The following MCF2L2 variants were observed in gnomAD, a reference collection of about 807,000 sequenced individuals.
MCF2L2 encodes the protein MCF.2 cell line derived transforming sequence-like 2, also known as probable guanine nucleotide exchange factor MCF2L2.
Under a neutral mutation model 150.2 loss-of-function variants are expected in MCF2L2, and 102 were observed. The observed-to-expected ratio is 0.68, with a 90% confidence interval of 0.58 to 0.80. The LOEUF is 0.80. Among genes scored for constraint, MCF2L2 ranks in the 30% least tolerant of loss-of-function variants. MCF2L2 has a pLI of 0.00. For synonymous variants in MCF2L2, 465 were observed against 491.3 expected, an observed-to-expected ratio of 0.95 and a Z score of 0.71; for missense variants, 1,256 against 1,372.8, an observed-to-expected ratio of 0.91 and a Z score of 1.34.
Position 183,180,057 on chromosome 3 carries a change from A to C in MCF2L2, c.3105+14T>G, listed in dbSNP as rs1299858496. On this transcript the variant is annotated intron_variant, in intron 28 of 29. Coordinates refer to ENST00000328913, the MANE Select transcript of MCF2L2 (RefSeq NM_015078.4). ...GAGGGAAGAAGATGAAAGAAACAAAAGGGAAGTAATTACACTCAGAGCACT... is the reference window on the plus strand; with the variant it reads ...GAGGGAAGAAGATGAAAGAAACAAACGGGAAGTAATTACACTCAGAGCACT... 5 of 1,601,812 alleles carry C rather than the reference A, an allele frequency of 3.1e-6. No individual in the cohort carries two copies. Among genetic ancestry groups the C allele is most frequent in the Admixed American group, 1.7e-5 (1 of 59,916 alleles).
In MCF2L2 at chr3:183,249,277, G is replaced by C. The variant is rs1207879745; in HGVS notation, c.1863-18260C>G. ...GTGTCTGATCTGCTGCTGGGAAAAG[G>C]AGAAGAAATGCTGAGACACTCACTG... is the stretch of plus-strand genomic sequence containing the variant. On this transcript the variant is annotated intron_variant, in intron 15 of 29. Transcript: ENST00000328913. 2.0e-5 allele frequency among the ~76,000 whole-genome samples: 3 copies of C among 152,194 alleles called. No homozygotes were observed. In the East Asian group the frequency reaches 5.8e-4, roughly 29 times the overall value.
At chr3:183,392,550 G>C (rs1230582155) in intron 1 of MCF2L2, among the ~76,000 whole-genome samples, 1 of 152,204 alleles carries the variant, frequency 6.6e-6, no homozygotes, top group African/African-American at 2.4e-5. Flanking sequence ...TTTGCTTTAA[G>C]TGCAGGTTTT....
intron 1 of MCF2L2, among the ~76,000 whole-genome samples, chr3:183,425,631 G>A (rs942677148): frequency 2.6e-5 from 4 of 152,170 alleles, no homozygotes; most frequent in African/African-American, 9.7e-5. Flanking sequence ...TAGGGGATAT[G>A]AAGAGCTACC....
intron 4 of MCF2L2, 48 bp downstream of exon 4, chr3:183,341,492 G>T: frequency 1.4e-6 from 2 of 1,415,536 alleles, no homozygotes; most frequent in Non-Finnish European, 2.0e-6. Context: ...TAGTTGAACA[G>T]ACAATTTAAA....
intron 3 of MCF2L2, among the ~76,000 whole-genome samples, chr3:183,368,743 G>A (rs771150597): frequency 2.0e-5 from 3 of 152,156 alleles, no homozygotes; most frequent in East Asian, 3.9e-4. Context: ...CAGCCTGGGC[G>A]ACAGAGCAAA....
At chr3:183,330,896 A>G (rs960532325) in intron 5 of MCF2L2, among the ~76,000 whole-genome samples, 5 of 152,088 alleles carry the variant, frequency 3.3e-5, no homozygotes, top group African/African-American at 1.2e-4. Context: ...GGTCAATTAC[A>G]TGAGCCACAT....
chr3:183,272,991 C>G (rs1484436918), intron 15 of MCF2L2: 1 of 1,478,244 alleles, frequency 6.8e-7, no homozygotes, highest in African/African-American at 1.5e-5. Context: ...TATGAAGGCA[C>G]TTCCTTTTTT....
At chr3:183,285,578 G>A (rs938684547) in intron 14 of MCF2L2, among the ~76,000 whole-genome samples, 1 of 152,204 alleles carries the variant, frequency 6.6e-6, no homozygotes, top group African/African-American at 2.4e-5. Context: ...CCAGTACAAT[G>A]TCTGGCCTTC....
chr3:183,271,240 TAAG>T (rs1379049571), intron 15 of MCF2L2: 1 of 210,668 alleles, frequency 4.7e-6, no homozygotes, highest in African/African-American at 2.3e-5. Context: ...GAGATGTTAT[TAAG>T]AAGTTTTGAT....
At chr3:183,376,445 C>G (rs1713192858) in intron 3 of MCF2L2, 1 of 152,212 alleles carries the variant, frequency 6.6e-6, no homozygotes, top group African/African-American at 2.4e-5. Flanking sequence ...CCTTGCCGCT[C>G]CCACAGAAGT....
intron 15 of MCF2L2, among the ~76,000 whole-genome samples, chr3:183,244,033 A>G (rs1201469108): frequency 6.6e-6 from 1 of 152,124 alleles, no homozygotes; most frequent in African/African-American, 2.4e-5. Context: ...CTGAGGCAGG[A>G]GAATGGCATG....
chr3:183,398,619 G>T (rs1452847666), intron 1 of MCF2L2, among the ~76,000 whole-genome samples: 1 of 152,044 alleles, frequency 6.6e-6, no homozygotes, highest in Non-Finnish European at 1.5e-5. Flanking sequence ...ACACCCAATT[G>T]CTAACTCTCC....
At chr3:183,339,477 T>G (rs920955315) in intron 4 of MCF2L2, among the ~76,000 whole-genome samples, 9 of 152,364 alleles carry the variant, frequency 5.9e-5, no homozygotes, top group African/African-American at 2.2e-4. Context: ...TTGATAATTT[T>G]ACTATTGTAA....
At chr3:183,338,413 C>G (rs1209538651) in intron 5 of MCF2L2, among the ~76,000 whole-genome samples, 2 of 147,214 alleles carry the variant, frequency 1.4e-5, no homozygotes, top group Non-Finnish European at 3.0e-5. Context: ...TGCCATTGTA[C>G]TCCAGCCTGG....
intron 15 of MCF2L2, among the ~76,000 whole-genome samples, chr3:183,232,953 GTTCAGTAATTTCAC>G (rs1723625888): frequency 6.6e-6 from 1 of 152,158 alleles, no homozygotes; most frequent in Non-Finnish European, 1.5e-5. Context: ...GTGCTCCTTG[GTTCAGTAATTTCAC>G]TTCTAGGAAT....
At chr3:183,282,005 G>T (rs1429553258) in intron 14 of MCF2L2, among the ~76,000 whole-genome samples, 1 of 149,816 alleles carries the variant, frequency 6.7e-6, no homozygotes, top group Non-Finnish European at 1.5e-5. Context: ...GAGCTCAAGC[G>T]ATCATCCTGC....
At chr3:183,399,575 A>G (rs1042809448) in intron 1 of MCF2L2, among the ~76,000 whole-genome samples, 1 of 152,204 alleles carries the variant, frequency 6.6e-6, no homozygotes, top group Admixed American at 6.5e-5. Context: ...AGAAATGATG[A>G]TTCTTCTCAC....
At chr3:183,386,256 T>C (rs1236474862) in intron 2 of MCF2L2, among the ~76,000 whole-genome samples, 2 of 152,228 alleles carry the variant, frequency 1.3e-5, no homozygotes, top group African/African-American at 4.8e-5. Flanking sequence ...CACACTAACC[T>C]GCTTATACTC....
intron 3 of MCF2L2, chr3:183,373,997 G>A (rs1233344052): frequency 1.3e-5 from 2 of 151,972 alleles, no homozygotes; most frequent in East Asian, 3.9e-4. Context: ...CTGTCTTCTT[G>A]TCCATCCCTT....
Sources: gnomAD v4.1 joint callset for allele counts (sites outside exome capture counted in the v4.1 genomes callset) on GRCh38, gnomAD v4.1.1 for gene constraint, MANE v1.5 for transcripts, NCBI Gene and HGNC (gene_info 2026-07-23, HGNC 2026-07-21) for gene names.